The following YWHAB variants were observed in gnomAD, a reference collection of about 807,000 sequenced individuals.
The protein encoded by YWHAB is 14-3-3 protein beta/alpha.
In YWHAB, 2 loss-of-function variants were observed where a neutral mutation model predicts 28.5. The observed-to-expected ratio is 0.07, with a 90% CI of 0.03 to 0.22. YWHAB has a LOEUF of 0.22. Among genes scored for constraint, YWHAB ranks in the 10% least tolerant of loss-of-function variants. YWHAB has a pLI of 1.00. For synonymous variants in YWHAB, 103 were observed against 104.7 expected, an observed-to-expected ratio of 0.98 and a Z score of 0.10; for missense variants, 148 against 297.1, an observed-to-expected ratio of 0.50 and a Z score of 3.69.
At chr20:44,894,447 G>T (rs915548552) in intron 1 of YWHAB, among the ~76,000 whole-genome samples, 2 of 152,070 alleles carry the variant, frequency 1.3e-5, no homozygotes, top group African/African-American at 2.4e-5. Flanking sequence ...AACCATCATG[G>T]CATATCACTA....
At chr20:44,894,962 C>G (rs550216256) in intron 1 of YWHAB, among the ~76,000 whole-genome samples, 12 of 152,348 alleles carry the variant, frequency 7.9e-5, no homozygotes, top group Middle Eastern at 6.8e-3. Context: ...TTGTGCTTAG[C>G]ACAGTTATAA....
intron 1 of YWHAB, among the ~76,000 whole-genome samples, chr20:44,900,148 A>G (rs187403986): frequency 3.9e-5 from 6 of 152,226 alleles, no homozygotes; most frequent in African/African-American, 1.4e-4. Flanking sequence ...TCTGGGCTCA[A>G]GTGATCCTCC....
rs754726003 is a variant in YWHAB, at chr20:44,901,851, C to T, written c.300+18C>T. 2.5e-6 allele frequency: 4 copies of T among 1,571,092 alleles called. No individual in the cohort carries two copies. The highest frequency in any genetic ancestry group is 4.5e-5 in the East Asian group (2 of 44,180). ...ATGTTCTGGTAAGAGGCCAGTGCTT[C>T]TGTTTTGAACAGTGGTTTCTAAATA... On this transcript the variant is annotated intron_variant, in intron 2 of 5. Transcript: ENST00000353703.
chr20:44,901,440 T>A (rs1359912838), intron 1 of YWHAB, 91 bp from the exon 2 acceptor site: 7 of 1,329,972 alleles, frequency 5.3e-6, no homozygotes, highest in Non-Finnish European at 7.2e-6. Flanking sequence ...AGTATGCTGC[T>A]TTCCAGATGG....
intron 1 of YWHAB, among the ~76,000 whole-genome samples, chr20:44,889,319 G>A: frequency 6.6e-6 from 1 of 152,186 alleles, no homozygotes; most frequent in South Asian, 2.1e-4. Context: ...CTCATGATAT[G>A]TGTGCTGAAG....
chr20:44,899,300 C>G (rs1305562046), intron 1 of YWHAB, among the ~76,000 whole-genome samples: 2 of 152,172 alleles, frequency 1.3e-5, no homozygotes, highest in African/African-American at 4.8e-5. Context: ...CCAAAAATGG[C>G]AAAATCCCAT....
intron 4 of YWHAB, 82 bp from the exon 5 acceptor site, chr20:44,905,919 A>T: frequency 9.8e-7 from 1 of 1,021,242 alleles, no homozygotes; most frequent in East Asian, 2.4e-5. Flanking sequence ...AAGATAAGTT[A>T]TATTCACCTA....
rs1175699531 is a variant in YWHAB at position 44,899,138 on chromosome 20, T to TA, written c.-3-2390dup. On this transcript the variant is annotated intron_variant, in intron 1 of 5. Transcript: ENST00000353703. The stretch of plus-strand genomic sequence containing the variant: ...AAACAAATAATCATTTTCAGAGCCT[T>TA]AAATTGTGATACCATGTATGTAGTA... Among the ~76,000 whole-genome samples, 3 of 150,386 alleles carry TA rather than the reference T, an allele frequency of 2.0e-5. No individual in the cohort carries two copies. In the East Asian group the frequency reaches 6.1e-4, roughly 30 times the overall value.
rs747555344 is a variant in YWHAB, at chr20:44,906,952, C to T, written c.*514C>T. On this transcript the variant is annotated 3_prime_UTR_variant, in exon 6 of 6. Transcript: ENST00000353703. ...AATTCACAGTAATGCTGCCGTTGTT[C>T]GGGACTTAAAGACACTTGACCTGTT... 1.3e-5 allele frequency: 2 copies of T among 152,912 alleles called. No individual in the cohort carries two copies. The highest frequency in any genetic ancestry group is 6.5e-5 in the Admixed American group (1 of 15,350). The allele number at this position is 152,912 out of a possible 1,614,324, so 9.5% of individuals were successfully genotyped here.
intron 5 of YWHAB, 61 bp from the exon 6 acceptor site, chr20:44,906,321 G>T: frequency 6.5e-7 from 1 of 1,532,402 alleles, no homozygotes. Flanking sequence ...ATACATACTG[G>T]GCCACTTACC....
chr20:44,893,722 G>T (rs2066577761), intron 1 of YWHAB, among the ~76,000 whole-genome samples: 1 of 121,410 alleles, frequency 8.2e-6, no homozygotes, highest in African/African-American at 3.5e-5. Flanking sequence ...TTTTGAGACG[G>T]AGTTTCGCTC....
chr20:44,892,748 T>C (rs2066570239), intron 1 of YWHAB, among the ~76,000 whole-genome samples: 1 of 152,204 alleles, frequency 6.6e-6, no homozygotes, highest in South Asian at 2.1e-4. Flanking sequence ...TTTTTAACAC[T>C]GAGAAAACAG....
intron 5 of YWHAB, 82 bp from the exon 6 acceptor site, chr20:44,906,300 G>A: frequency 7.1e-7 from 1 of 1,414,398 alleles, no homozygotes; most frequent in Non-Finnish European, 1.0e-6. Flanking sequence ...ACTGTCGAGT[G>A]AGATAAGATT....
intron 1 of YWHAB, chr20:44,886,463 C>T (rs1332750423): frequency 6.6e-6 from 1 of 152,158 alleles, no homozygotes; most frequent in African/African-American, 2.4e-5. Flanking sequence ...TGGCAGGACC[C>T]AAGATTCCCT....
At chr20:44,904,688 G>A (rs146027588) in intron 3 of YWHAB, among the ~76,000 whole-genome samples, 154 of 152,276 alleles carry the variant, frequency 1.0e-3, no homozygotes, top group African/African-American at 3.6e-3. Flanking sequence ...GCACTAGAAT[G>A]TATGGTTTTT....
rs947477879 is a variant in YWHAB, at chr20:44,901,773, G to A, written c.240G>A (p.Met80Ile). 22 of 1,613,000 alleles carry A rather than the reference G, an allele frequency of 1.4e-5. No homozygotes were observed. The highest frequency in any genetic ancestry group is 1.9e-5 in the Non-Finnish European group (22 of 1,179,184). ...KTERNEKKQQ[M>I]GKEYREKIEA... ...AGAGGAATGAGAAGAAGCAGCAGAT[G>A]GGCAAAGAGTACCGTGAGAAGATAG... Residue 80 changes from methionine (M) to isoleucine (I), a missense_variant, in exon 2 of 6, where the codon ATG becomes ATA. Around this residue, in one of 2 missense-constraint regions of YWHAB, gnomAD observed 110 missense variants for 177.9 expected, o/e 0.62. Transcript: ENST00000353703.
intron 2 of YWHAB, chr20:44,902,935 C>G (rs909972379): frequency 4.0e-6 from 2 of 495,016 alleles, no homozygotes; most frequent in Non-Finnish European, 5.2e-6. Flanking sequence ...TCATGCATTC[C>G]AAGGGCAAGA....
intron 1 of YWHAB, among the ~76,000 whole-genome samples, chr20:44,890,802 C>T (rs1361723130): frequency 6.6e-6 from 1 of 152,114 alleles, no homozygotes; most frequent in African/African-American, 2.4e-5. Context: ...AGCCACCACG[C>T]CTGGCTGGAT....
At chr20:44,903,207 C>T (rs535198576) in intron 2 of YWHAB, 16 of 515,524 alleles carry the variant, frequency 3.1e-5, no homozygotes, top group Non-Finnish European at 4.0e-5. Context: ...ACGTGTTAAG[C>T]GCTTTATGTA....
Sources: allele counts gnomAD v4.1 joint callset (sites outside exome capture counted in the v4.1 genomes callset), GRCh38; gene constraint gnomAD v4.1.1; regional missense constraint gnomAD v4.1.1; transcripts MANE v1.5; gene names NCBI Gene and HGNC (gene_info 2026-07-23, HGNC 2026-07-21).